The following AGBL4 variants were observed in gnomAD, a reference collection of about 807,000 sequenced individuals.
AGBL4 encodes cytosolic carboxypeptidase 6.
In AGBL4, 58 loss-of-function variants were observed where a neutral mutation model predicts 66.4. That is an observed-to-expected ratio of 0.87 (90% CI 0.71 to 1.09). The LOEUF (loss-of-function observed/expected upper bound fraction) is 1.09. AGBL4 is among the 50% of genes least tolerant of loss of function. The pLI, the probability that AGBL4 is intolerant of heterozygous loss-of-function variation, is 0.00. For synonymous variants in AGBL4, 234 were observed against 222.9 expected, an observed-to-expected ratio of 1.05 and a Z score of -0.44; for missense variants, 579 against 631.0, an observed-to-expected ratio of 0.92 and a Z score of 0.88.
At chr1:48,807,967 A>T (rs1645965180) in intron 6 of AGBL4, among the ~76,000 whole-genome samples, 1 of 152,132 alleles carries the variant, frequency 6.6e-6, no homozygotes, top group African/African-American at 2.4e-5. Context: ...GAGCACTGGT[A>T]TCTGAGGCAA....
At chr1:48,795,279 C>G (rs1645645854) in intron 6 of AGBL4, among the ~76,000 whole-genome samples, 1 of 152,094 alleles carries the variant, frequency 6.6e-6, no homozygotes, top group African/African-American at 2.4e-5. Context: ...GATTTTAATC[C>G]TATACAATCT....
At chr1:49,776,450 C>A (rs889713724) in intron 2 of AGBL4, among the ~76,000 whole-genome samples, 1 of 152,088 alleles carries the variant, frequency 6.6e-6, no homozygotes, top group Non-Finnish European at 1.5e-5. Context: ...AATCCAGAAT[C>A]TTTAACACTG....
chr1:49,574,817 A>G (rs766596320), intron 3 of AGBL4, among the ~76,000 whole-genome samples: 13 of 151,866 alleles, frequency 8.6e-5, no homozygotes, highest in Non-Finnish European at 1.3e-4. Context: ...GGCATTGACT[A>G]ATCATGATGT....
intron 3 of AGBL4, among the ~76,000 whole-genome samples, chr1:49,399,232 A>T (rs1645034188): frequency 6.6e-6 from 1 of 152,026 alleles, no homozygotes; most frequent in African/African-American, 2.4e-5. Context: ...CATTTTCTTT[A>T]TCCATTCCTC....
chr1:49,288,656 C>A (rs1160481479), intron 3 of AGBL4, among the ~76,000 whole-genome samples: 1 of 152,122 alleles, frequency 6.6e-6, no homozygotes, highest in African/African-American at 2.4e-5. Flanking sequence ...GAGCTTTCAA[C>A]AGTCTCAAAG....
chr1:48,761,184 A>T, intron 6 of AGBL4: 1 of 826,974 alleles, frequency 1.2e-6, no homozygotes, highest in Non-Finnish European at 1.8e-6. Context: ...AATACACACG[A>T]GTTGTCCCAC....
chr1:48,572,232 C>A (rs1183225413), intron 11 of AGBL4, among the ~76,000 whole-genome samples: 3 of 152,100 alleles, frequency 2.0e-5, no homozygotes, highest in African/African-American at 7.2e-5. Flanking sequence ...CTCATTCAAT[C>A]CTCAACATCA....
At chr1:49,595,109 G>C (rs965184918) in intron 3 of AGBL4, among the ~76,000 whole-genome samples, 34 of 151,458 alleles carry the variant, frequency 2.2e-4, no homozygotes, top group Non-Finnish European at 3.8e-4. Flanking sequence ...TTTTTTTCTT[G>C]AGATGGAGTC....
intron 4 of AGBL4, among the ~76,000 whole-genome samples, chr1:49,141,991 G>A (rs190567218): frequency 5.9e-5 from 9 of 152,184 alleles, no homozygotes; most frequent in African/African-American, 2.2e-4. Context: ...CACACAGCAC[G>A]AGGTGGTGGG....
At chr1:49,103,518 T>C (rs1645239731) in intron 4 of AGBL4, among the ~76,000 whole-genome samples, 1 of 152,228 alleles carries the variant, frequency 6.6e-6, no homozygotes, top group Non-Finnish European at 1.5e-5. Context: ...CACATGAGAC[T>C]GCCCACAGTC....
At chr1:49,529,516 T>G (rs1431430092) in intron 3 of AGBL4, among the ~76,000 whole-genome samples, 2 of 151,844 alleles carry the variant, frequency 1.3e-5, no homozygotes, top group African/African-American at 4.8e-5. Flanking sequence ...CCTTCTCTAC[T>G]AAAAATATAA....
intron 5 of AGBL4, among the ~76,000 whole-genome samples, chr1:48,930,273 G>A (rs1654930075): frequency 6.6e-6 from 1 of 151,954 alleles, no homozygotes; most frequent in South Asian, 2.1e-4. Flanking sequence ...CTGCCATCTG[G>A]AGAAATTTTC....
intron 3 of AGBL4, among the ~76,000 whole-genome samples, chr1:49,642,135 T>C (rs1645793602): frequency 6.6e-6 from 1 of 151,950 alleles, no homozygotes; most frequent in Non-Finnish European, 1.5e-5. Flanking sequence ...AGCAATAATA[T>C]ATAAATACTT....
intron 5 of AGBL4, among the ~76,000 whole-genome samples, chr1:48,951,526 G>T (rs1395297957): frequency 6.6e-6 from 1 of 152,170 alleles, no homozygotes; most frequent in African/African-American, 2.4e-5. Flanking sequence ...GAGGTAATTA[G>T]ATCATGAGGC....
intron 3 of AGBL4, among the ~76,000 whole-genome samples, chr1:49,607,322 T>C (rs1233779390): frequency 6.6e-6 from 1 of 152,158 alleles, no homozygotes; most frequent in African/African-American, 2.4e-5. Context: ...CAAAACTCTT[T>C]AGCCTGAATT....
At chr1:49,883,036 C>T (rs1391892747) in intron 1 of AGBL4, among the ~76,000 whole-genome samples, 3 of 152,104 alleles carry the variant, frequency 2.0e-5, no homozygotes, top group African/African-American at 7.2e-5. Flanking sequence ...TTAATAAACA[C>T]TGTTTTTTTC....
chr1:49,816,495 A>G (rs528770523), intron 2 of AGBL4, among the ~76,000 whole-genome samples: 1 of 152,308 alleles, frequency 6.6e-6, no homozygotes, highest in Non-Finnish European at 1.5e-5. Flanking sequence ...ATTGGTAAAA[A>G]TGAAAAGTAG....
At chr1:49,620,907 G>T (rs1645347915) in intron 3 of AGBL4, among the ~76,000 whole-genome samples, 1 of 151,174 alleles carries the variant, frequency 6.6e-6, no homozygotes, top group Admixed American at 6.6e-5. Context: ...TTCTGTATCA[G>T]AGTTATAGCA....
intron 5 of AGBL4, among the ~76,000 whole-genome samples, chr1:49,027,652 C>T (rs1308887484): frequency 6.6e-6 from 1 of 152,030 alleles, no homozygotes; most frequent in African/African-American, 2.4e-5. Flanking sequence ...AGGGGCAGGC[C>T]ACAAGCACCT....
Sources: allele counts gnomAD v4.1 joint callset (sites outside exome capture counted in the v4.1 genomes callset), GRCh38; gene constraint gnomAD v4.1.1; transcripts MANE v1.5; gene names NCBI Gene and HGNC (gene_info 2026-07-23, HGNC 2026-07-21).